SUFU: variants seen among roughly 807,000 people sequenced by gnomAD.
SUFU encodes suppressor of fused homolog.
In SUFU, 7 loss-of-function variants were observed where a neutral mutation model predicts 58.9. That is an observed-to-expected ratio of 0.12 (90% CI 0.07 to 0.22). The LOEUF (loss-of-function observed/expected upper bound fraction) is 0.22. Among genes scored for constraint, SUFU ranks in the 10% least tolerant of loss-of-function variants. The pLI, the probability that SUFU is intolerant of heterozygous loss-of-function variation, is 1.00. For synonymous variants in SUFU, 232 were observed against 254.8 expected (o/e 0.91, Z 0.85); for missense variants, 451 against 641.3 (o/e 0.70, Z 3.20).
At chr10:102,590,976 C>T (rs980545679) in intron 3 of SUFU, 27 of 152,156 alleles carry the variant, frequency 1.8e-4, no homozygotes, top group African/African-American at 5.8e-4. Flanking sequence ...AGCAGTCTTC[C>T]TTCTCCTGCC....
intron 10 of SUFU, among the ~76,000 whole-genome samples, chr10:102,626,395 A>G (rs7086898): frequency 0.15 from 23,076 of 152,184 alleles, 2,264 homozygotes; most frequent in East Asian, 0.42. Flanking sequence ...TGTTTGTGCC[A>G]GCCAAATAGT....
At chr10:102,535,290 T>A (rs1211316494) in intron 2 of SUFU, among the ~76,000 whole-genome samples, 1 of 152,036 alleles carries the variant, frequency 6.6e-6, no homozygotes, top group African/African-American at 2.4e-5. Context: ...TTCGAGACCA[T>A]CCTGGCCAAC....
At chr10:102,615,432 A>AC in intron 9 of SUFU, 30 bp downstream of exon 9, 1 of 1,613,238 alleles carries the variant, frequency 6.2e-7, no homozygotes, top group African/African-American at 1.3e-5. Flanking sequence ...CACACAGTTT[A>AC]CCCCACAGCA....
chr10:102,580,541 T>C (rs1474219011), intron 3 of SUFU, among the ~76,000 whole-genome samples: 1 of 152,118 alleles, frequency 6.6e-6, no homozygotes. Flanking sequence ...AGGTGCTCAC[T>C]CTCAGCTTTA....
In SUFU at chr10:102,622,823, GAAAAAAA is replaced by G. The variant is rs59430798; in HGVS notation, c.1297-4340_1297-4334del. ...GACAGAGTGAGACTCCGTCTCAGAA[GAAAAAAA>G]AAAAAAAAAAATTAGCTGGGCATGG... On this transcript the variant is annotated intron_variant, in intron 10 of 11. Coordinates refer to ENST00000369902, the MANE Select transcript of SUFU (RefSeq NM_016169.4). Among the ~76,000 whole-genome samples, 6 of 124,540 alleles carry G rather than the reference GAAAAAAA, an allele frequency of 4.8e-5. No individual in the cohort carries two copies. In the East Asian group the frequency reaches 1.3e-3, roughly 28 times the overall value. The allele number at this position is 124,540 out of a possible 152,430, so 81.7% of individuals were successfully genotyped here.
At chr10:102,562,340 T>G (rs1309569610) in intron 3 of SUFU, among the ~76,000 whole-genome samples, 1 of 151,632 alleles carries the variant, frequency 6.6e-6, no homozygotes, top group Admixed American at 6.6e-5. Flanking sequence ...CTGGCCAACA[T>G]GGTGGAACCA....
chr10:102,530,682 G>A (rs2062667062), intron 2 of SUFU, among the ~76,000 whole-genome samples: 1 of 151,662 alleles, frequency 6.6e-6, no homozygotes, highest in South Asian at 2.1e-4. Context: ...TTGAACTCCT[G>A]GGCTAAAGCA....
chr10:102,570,964 A>G (rs1336367429), intron 3 of SUFU, among the ~76,000 whole-genome samples: 2 of 152,062 alleles, frequency 1.3e-5, no homozygotes, highest in South Asian at 4.1e-4. Context: ...CAATTTTTAC[A>G]TATTTTGTTT....
At chr10:102,507,318 C>T (rs570906284) in intron 1 of SUFU, among the ~76,000 whole-genome samples, 23 of 152,222 alleles carry the variant, frequency 1.5e-4, no homozygotes, top group Middle Eastern at 3.4e-3. Flanking sequence ...TAGGCTGTAG[C>T]GGGGCAGGTT....
intron 2 of SUFU, among the ~76,000 whole-genome samples, chr10:102,542,231 C>G (rs2062810694): frequency 6.7e-6 from 1 of 149,950 alleles, no homozygotes; most frequent in Non-Finnish European, 1.5e-5. Context: ...CTCCCGGATT[C>G]AAGCGATTCT....
chr10:102,532,379 C>T (rs148533270), intron 2 of SUFU, among the ~76,000 whole-genome samples: 99 of 152,318 alleles, frequency 6.5e-4, no homozygotes, highest in African/African-American at 2.3e-3. Flanking sequence ...TCTGTTGCTG[C>T]AAATCAGCAG....
At chr10:102,512,647 A>G (rs761278588) in intron 2 of SUFU, among the ~76,000 whole-genome samples, 1 of 152,180 alleles carries the variant, frequency 6.6e-6, no homozygotes, top group Non-Finnish European at 1.5e-5. Context: ...TGAAACCTCT[A>G]TTTGGGTTTT....
chr10:102,552,966 T>C (rs1392720183), intron 3 of SUFU, among the ~76,000 whole-genome samples: 1 of 152,222 alleles, frequency 6.6e-6, no homozygotes, highest in Non-Finnish European at 1.5e-5. Flanking sequence ...TTGTTGAGTA[T>C]ACATTGACTA....
chr10:102,564,708 G>A (rs991137492), intron 3 of SUFU, among the ~76,000 whole-genome samples: 1 of 152,042 alleles, frequency 6.6e-6, no homozygotes, highest in Non-Finnish European at 1.5e-5. Flanking sequence ...GGAGCTGCCT[G>A]GTTATATTCA....
chr10:102,566,029 A>C (rs936503985), intron 3 of SUFU, among the ~76,000 whole-genome samples: 1 of 152,232 alleles, frequency 6.6e-6, no homozygotes, highest in African/African-American at 2.4e-5. Flanking sequence ...ACTGGCAAGC[A>C]GAGATTGCCG....
chr10:102,616,783 T>A (rs1327623889), intron 9 of SUFU, among the ~76,000 whole-genome samples: 3 of 152,202 alleles, frequency 2.0e-5, no homozygotes, highest in Non-Finnish European at 2.9e-5. Context: ...GGCCAGCCAC[T>A]TGAATGTTAT....
chr10:102,581,180 CAAAAAAAAAAAAAAA>C (rs71016393), intron 3 of SUFU, among the ~76,000 whole-genome samples: 22 of 75,674 alleles, frequency 2.9e-4, no homozygotes, highest in South Asian at 4.9e-4. Context: ...ACTCTGTCTC[CAAAAAAAAAAAAAAA>C]AAAAAAAAAA....
chr10:102,615,327 T>C lies in SUFU; in HGVS notation c.1082T>C (p.Ile361Thr). Residue 361 changes from isoleucine (I) to threonine (T), a missense_variant, in exon 9 of 12, where the codon ATT becomes ACT. Transcript: ENST00000369902. ...ACGGCCATCATTCCCCATGAGCTGA[T>C]TCGCACGCGGCAGCTTGAGAGCGTA... ...SSTAIIPHELIRTRQLESVHL... is the reference protein window; with the variant it reads ...SSTAIIPHELTRTRQLESVHL... 6.2e-7 allele frequency: 1 copy of C among 1,614,148 alleles called. No homozygotes were observed. Among genetic ancestry groups the C allele is most frequent in the Non-Finnish European group, 8.5e-7 (1 of 1,180,024 alleles).
rs142672533 is a variant in SUFU at position 102,592,633 on chromosome 10, A to G, written c.506A>G (p.Asn169Ser). The G allele has an allele frequency of 7.5e-5, 121 of 1,614,046 alleles. No homozygotes were observed. Among genetic ancestry groups the G allele is most frequent in the Non-Finnish European group, 1.0e-4 (120 of 1,180,020 alleles). Reference protein sequence around the residue: ...DHVSWHSPLDNSESRIQHMLL... With the variant: ...DHVSWHSPLDSSESRIQHMLL... ...GTGTCCTGGCACAGCCCTTTGGATA[A>G]CAGTGAGTCAAGAATTCAGCACATG... Residue 169 changes from asparagine to serine, a missense_variant, in exon 4 of 12, where the codon AAC becomes AGC. Coordinates refer to ENST00000369902, the MANE Select transcript of SUFU (RefSeq NM_016169.4).
Sources: gnomAD v4.1 joint callset for allele counts (sites outside exome capture counted in the v4.1 genomes callset) on GRCh38, gnomAD v4.1.1 for gene constraint, MANE v1.5 for transcripts, NCBI Gene and HGNC (gene_info 2026-07-23, HGNC 2026-07-21) for gene names.